Variants in PGR observed in about 807,000 individuals in gnomAD.
PGR encodes the protein progesterone receptor.
In PGR, 25 loss-of-function variants were observed where a neutral mutation model predicts 76.1. The ratio of observed to expected loss-of-function variants is 0.33; its 90% CI spans 0.24 to 0.46. The LOEUF (loss-of-function observed/expected upper bound fraction) is 0.46. PGR is among the 20% of genes least tolerant of loss of function. The pLI is 1.00. For synonymous variants in PGR, 579 were observed against 535.0 expected (o/e 1.08, Z -1.14); for missense variants, 1,172 against 1,225.3 (o/e 0.96, Z 0.65).
At chr11:101,072,845 G>A (rs1860989359) in intron 3 of PGR, among the ~76,000 whole-genome samples, 1 of 152,134 alleles carries the variant, frequency 6.6e-6, no homozygotes, top group African/African-American at 2.4e-5. Flanking sequence ...GGCCTATGAA[G>A]AGACTTAGAC....
intron 4 of PGR, among the ~76,000 whole-genome samples, chr11:101,057,294 G>C (rs1296699687): frequency 6.6e-6 from 1 of 152,072 alleles, no homozygotes; most frequent in Non-Finnish European, 1.5e-5. Flanking sequence ...AAAAGAGATG[G>C]GCTGCCAGGT....
intron 2 of PGR, among the ~76,000 whole-genome samples, chr11:101,106,740 A>G (rs886835337): frequency 1.2e-4 from 18 of 152,230 alleles, no homozygotes; most frequent in Non-Finnish European, 2.2e-4. Flanking sequence ...ATTATAAATC[A>G]TTCTACTATA....
chr11:101,075,826 C>T (rs544417958), intron 3 of PGR, among the ~76,000 whole-genome samples: 7 of 152,028 alleles, frequency 4.6e-5, no homozygotes, highest in African/African-American at 1.4e-4. Context: ...CAATAGATGC[C>T]GGAAAAGATG....
At chr11:101,096,493 G>A (rs759219332) in intron 2 of PGR, among the ~76,000 whole-genome samples, 2 of 152,186 alleles carry the variant, frequency 1.3e-5, no homozygotes, top group African/African-American at 4.8e-5. Context: ...TGGGGCCCAG[G>A]CATTGCCTCT....
intron 3 of PGR, among the ~76,000 whole-genome samples, chr11:101,073,939 C>T (rs1420570455): frequency 6.6e-6 from 1 of 152,062 alleles, no homozygotes; most frequent in Admixed American, 6.5e-5. Context: ...TAAAACTATT[C>T]CAAACAATAG....
rs1859603557 is a variant in PGR, at chr11:101,038,957, T to C, written c.*159A>G. On this transcript the variant is annotated 3_prime_UTR_variant, in exon 8 of 8. Coordinates refer to ENST00000325455, the MANE Select transcript of PGR (RefSeq NM_000926.4). ...TCTAATTATACTTTATAAAAGAAAA[T>C]AATTAGAACCTCACAATTTTTCTTT... 3.5e-6 allele frequency: 2 copies of C among 563,978 alleles called. No individual in the cohort carries two copies. The highest frequency in any genetic ancestry group is 6.2e-6 in the Non-Finnish European group (2 of 320,708). The allele number at this position is 563,978 out of a possible 1,614,324, so 34.9% of individuals were successfully genotyped here.
At chr11:101,090,863 C>T (rs533107440) in intron 3 of PGR, among the ~76,000 whole-genome samples, 7 of 152,262 alleles carry the variant, frequency 4.6e-5, no homozygotes, top group South Asian at 4.1e-4. Flanking sequence ...CAGTTGTATA[C>T]GCTTTAAACT....
chr11:101,057,824 C>A (rs1237002179), intron 4 of PGR, among the ~76,000 whole-genome samples: 1 of 152,058 alleles, frequency 6.6e-6, no homozygotes, highest in Non-Finnish European at 1.5e-5. Context: ...GGGGGTCATG[C>A]TGACTTAGAA....
At chr11:101,096,871 A>G (rs1861850146) in intron 2 of PGR, among the ~76,000 whole-genome samples, 1 of 152,218 alleles carries the variant, frequency 6.6e-6, no homozygotes, top group African/African-American at 2.4e-5. Context: ...ACGTCACTAT[A>G]TTAAACCACT....
In PGR at chr11:101,128,912, G is replaced by A; in HGVS notation, c.159C>T (p.Ile53=). ...GAGGGAAGAGTAGCCCGTCCAGGGA[G>A]ATAGGTATGGCCGAAACTTCAGGCA... ...DTLPEVSAIP[I]SLDGLLFPRP... Residue 53 remains isoleucine, a synonymous_variant, in exon 1 of 8, where the codon ATC becomes ATT. Transcript: ENST00000325455. The A allele has an allele frequency of 1.9e-6, 3 of 1,613,856 alleles. No homozygotes were observed. The highest frequency in any genetic ancestry group is 2.5e-6 in the Non-Finnish European group (3 of 1,179,960).
intron 2 of PGR, among the ~76,000 whole-genome samples, chr11:101,120,754 G>C (rs1168160013): frequency 1.3e-5 from 2 of 152,190 alleles, no homozygotes; most frequent in Non-Finnish European, 2.9e-5. Context: ...TATTGATCAA[G>C]AGGACTTAAG....
chr11:101,082,217 C>A (rs951486009), intron 3 of PGR, among the ~76,000 whole-genome samples: 2 of 152,158 alleles, frequency 1.3e-5, no homozygotes, highest in African/African-American at 4.8e-5. Context: ...CTGAGACCTC[C>A]TAGCTATGCT....
Position 101,062,435 on chromosome 11 carries a change from AATT to A in PGR, c.2212+9_2212+11del, listed in dbSNP as rs1280529267. The A allele has an allele frequency of 3.1e-6, 5 of 1,600,656 alleles. No homozygotes were observed. Among genetic ancestry groups the A allele is most frequent in the East Asian group, 2.2e-5 (1 of 44,776 alleles). On this transcript the variant is annotated intron_variant, in intron 4 of 7. Transcript: ENST00000325455. ...TTTTTTATTACATGCTGTATATAAA[AATT>A]ATTATTACCTGGCAATGATTTAGAC...
At position 101,128,099 on chromosome 11, in the gene PGR, C is replaced by T. The variant is rs1160116535; in HGVS notation, c.972G>A (p.Leu324=). 12 of 1,599,406 alleles carry T rather than the reference C, an allele frequency of 7.5e-6. No homozygotes were observed. The highest frequency in any genetic ancestry group is 1.0e-5 in the Non-Finnish European group (12 of 1,179,684). The change falls in exon 1 of 8, where the codon CTG becomes CTA. Residue 324 remains leucine, a synonymous_variant. Coordinates refer to ENST00000325455, the MANE Select transcript of PGR (RefSeq NM_000926.4). ...CCCCGCCGTCGTAACTTTCGTCTTC[C>T]AGCAGCTGCCGAGTGCGGGCTGCCA... ...ALLAARTRQL[L]EDESYDGGAG...
chr11:101,038,741 A>G lies in PGR; in HGVS notation c.*375T>C, dbSNP rs1422844629. 4.1e-6 allele frequency: 1 copy of G among 241,804 alleles called. No individual in the cohort carries two copies. Among genetic ancestry groups the G allele is most frequent in the Non-Finnish European group, 8.1e-6 (1 of 123,538 alleles). 15.0% of individuals were successfully genotyped at this position (241,804 alleles called of 1,614,324 possible). ...AAAGGGAGTTACCTAGAAATAACATATAATAGCTTTGTGTTATTACATGTA... is the reference window on the plus strand; with the variant it reads ...AAAGGGAGTTACCTAGAAATAACATGTAATAGCTTTGTGTTATTACATGTA... On this transcript the variant is annotated 3_prime_UTR_variant, in exon 8 of 8. Coordinates refer to ENST00000325455, the MANE Select transcript of PGR (RefSeq NM_000926.4).
intron 2 of PGR, among the ~76,000 whole-genome samples, chr11:101,123,491 C>T (rs954539675): frequency 8.5e-5 from 13 of 152,122 alleles, no homozygotes; most frequent in South Asian, 6.2e-4. Flanking sequence ...CTTAAATTAC[C>T]GATTCTCCAA....
chr11:101,089,951 C>A (rs1270474293), intron 3 of PGR, among the ~76,000 whole-genome samples: 1 of 152,178 alleles, frequency 6.6e-6, no homozygotes, highest in Non-Finnish European at 1.5e-5. Context: ...GTAATCCCAG[C>A]ACTTTAGAAG....
intron 2 of PGR, among the ~76,000 whole-genome samples, chr11:101,107,872 AAAAAAAAAG>A (rs1862218340): frequency 6.8e-6 from 1 of 146,052 alleles, no homozygotes; most frequent in African/African-American, 2.4e-5. Context: ...TTGTAAAAAA[AAAAAAAAAG>A]AAAGAAAAAG....
chr11:101,066,068 T>C (rs1388743366), intron 3 of PGR, among the ~76,000 whole-genome samples: 2 of 152,182 alleles, frequency 1.3e-5, no homozygotes, highest in Non-Finnish European at 2.9e-5. Context: ...TCTGAAATCA[T>C]TTGCCCTCTT....
Sources: allele counts gnomAD v4.1 joint callset (sites outside exome capture counted in the v4.1 genomes callset), GRCh38; gene constraint gnomAD v4.1.1; transcripts MANE v1.5; gene names NCBI Gene and HGNC (gene_info 2026-07-23, HGNC 2026-07-21).